ADGRL3: variants seen among roughly 807,000 people sequenced by gnomAD.
The protein encoded by ADGRL3 is calcium-independent alpha-latrotoxin receptor 3.
A neutral mutation model predicts 153.5 loss-of-function variants in ADGRL3; 62 were observed. The ratio of observed to expected loss-of-function variants is 0.40; its 90% confidence interval spans 0.33 to 0.50. The LOEUF (loss-of-function observed/expected upper bound fraction) is 0.50. ADGRL3 is among the 20% of genes least tolerant of loss of function. The pLI is 0.47. For synonymous variants in ADGRL3, 710 were observed against 672.5 expected, an observed-to-expected ratio of 1.06 and a Z score of -0.86; for missense variants, 1,641 against 1,859.4, an observed-to-expected ratio of 0.88 and a Z score of 2.16.
At chr4:61,352,155 G>C (rs543851108) in intron 1 of ADGRL3, among the ~76,000 whole-genome samples, 2 of 152,274 alleles carry the variant, frequency 1.3e-5, no homozygotes, top group African/African-American at 4.8e-5. Flanking sequence ...AGTGACTCAA[G>C]ACTTCAGTGG....
intron 1 of ADGRL3, among the ~76,000 whole-genome samples, chr4:61,347,530 C>T (rs1259793709): frequency 6.6e-6 from 1 of 152,046 alleles, no homozygotes; most frequent in Non-Finnish European, 1.5e-5. Context: ...AAAGCAAATG[C>T]AATGTATGCC....
chr4:61,671,944 T>A (rs1053205737), intron 5 of ADGRL3, among the ~76,000 whole-genome samples: 5 of 152,140 alleles, frequency 3.3e-5, no homozygotes, highest in Non-Finnish European at 7.4e-5. Flanking sequence ...GAGGGTAGCA[T>A]TATTCATCTC....
intron 9 of ADGRL3, among the ~76,000 whole-genome samples, chr4:61,885,316 G>A (rs1292497520): frequency 6.6e-6 from 1 of 152,046 alleles, no homozygotes; most frequent in Non-Finnish European, 1.5e-5. Flanking sequence ...CAACAAGAGT[G>A]AAACTCCTTC....
chr4:62,058,257 T>C lies in ADGRL3; in HGVS notation c.3815-9909T>C, dbSNP rs866135969. ...TCAGGTAGCCTTTTGTATTTCCAAA[T>C]AATATATGATTGATTGTTTATTTCT... On this transcript the variant is annotated intron_variant, in intron 25 of 26. Transcript: ENST00000683033. Among the ~76,000 whole-genome samples the C allele has an allele frequency of 6.6e-5, 10 of 152,136 alleles. No homozygotes were observed. The South Asian group carries it at 1.0e-3, about 16-fold the overall frequency.
At chr4:61,747,487 C>T (rs1460260437) in intron 8 of ADGRL3, among the ~76,000 whole-genome samples, 3 of 148,294 alleles carry the variant, frequency 2.0e-5, no homozygotes, top group African/African-American at 7.6e-5. Context: ...AATCCAGCGG[C>T]ACATCAAAAA....
intron 4 of ADGRL3, among the ~76,000 whole-genome samples, chr4:61,549,569 G>A (rs1035266370): frequency 6.6e-6 from 1 of 151,794 alleles, no homozygotes; most frequent in Non-Finnish European, 1.5e-5. Flanking sequence ...ACTCCTTATT[G>A]CATCATTCTA....
intron 8 of ADGRL3, among the ~76,000 whole-genome samples, chr4:61,750,956 G>A: frequency 6.6e-6 from 1 of 152,100 alleles, no homozygotes; most frequent in Admixed American, 6.5e-5. Context: ...TTAGGAGCAG[G>A]GCCATACAGC....
chr4:61,835,213 A>C (rs1390954774), intron 9 of ADGRL3, among the ~76,000 whole-genome samples: 2 of 152,032 alleles, frequency 1.3e-5, no homozygotes, highest in Non-Finnish European at 1.5e-5. Context: ...TCATGAGGAA[A>C]ACAGGGTTTT....
At chr4:61,989,091 A>G (rs1004937201) in intron 19 of ADGRL3, among the ~76,000 whole-genome samples, 3 of 152,092 alleles carry the variant, frequency 2.0e-5, no homozygotes, top group African/African-American at 7.2e-5. Flanking sequence ...TCATCATCTA[A>G]CCAGCATAAT....
chr4:61,781,540 G>T (rs993616875), intron 8 of ADGRL3, among the ~76,000 whole-genome samples: 12 of 152,000 alleles, frequency 7.9e-5, no homozygotes, highest in African/African-American at 2.9e-4. Context: ...GAAGATCTTT[G>T]CTTGGTTTTC....
At chr4:61,809,879 C>T (rs2097590131) in intron 8 of ADGRL3, among the ~76,000 whole-genome samples, 2 of 152,024 alleles carry the variant, frequency 1.3e-5, no homozygotes, top group African/African-American at 4.8e-5. Flanking sequence ...TTACTACCTA[C>T]GTATAAATTC....
At position 61,924,252 on chromosome 4, in the gene ADGRL3, C is replaced by CTAAT. The variant is rs374961694; in HGVS notation, c.2113-10586_2113-10583dup. Among the ~76,000 whole-genome samples the CTAAT allele has an allele frequency of 5.4e-3, 825 of 152,244 alleles. 11 individuals carry two copies. Among genetic ancestry groups the CTAAT allele is most frequent in the African/African-American group, 0.019 (791 of 41,548 alleles). On this transcript the variant is annotated intron_variant, in intron 13 of 26. Transcript: ENST00000683033. ...ACAACTCACTTGATTTTTCTCCTACCTAATTGACACTTCTTTCCAGTCTCC... is the reference window on the plus strand; with the variant it reads ...ACAACTCACTTGATTTTTCTCCTACCTAATTAATTGACACTTCTTTCCAGTCTCC...
chr4:61,688,638 A>G (rs547383857), intron 6 of ADGRL3, among the ~76,000 whole-genome samples: 1 of 152,270 alleles, frequency 6.6e-6, no homozygotes, highest in South Asian at 2.1e-4. Flanking sequence ...AATCAGTGCT[A>G]TCAGGCACTG....
chr4:61,913,704 A>G (rs1164298865), intron 13 of ADGRL3, among the ~76,000 whole-genome samples: 1 of 152,116 alleles, frequency 6.6e-6, no homozygotes, highest in East Asian at 1.9e-4. Flanking sequence ...TGCCTTTCCA[A>G]TGATCTGAAT....
intron 13 of ADGRL3, among the ~76,000 whole-genome samples, chr4:61,921,164 A>C (rs1327234664): frequency 6.6e-6 from 1 of 152,024 alleles, no homozygotes; most frequent in African/African-American, 2.4e-5. Context: ...AAGCTATTTG[A>C]AACTTCTCAG....
chr4:62,053,125 G>A (rs1026959896), intron 25 of ADGRL3, among the ~76,000 whole-genome samples: 4 of 151,182 alleles, frequency 2.6e-5, no homozygotes. Context: ...AGTCATCATT[G>A]GTTCAAATTA....
intron 6 of ADGRL3, among the ~76,000 whole-genome samples, chr4:61,681,432 A>T (rs2095333140): frequency 1.3e-5 from 2 of 152,074 alleles, no homozygotes; most frequent in South Asian, 4.1e-4. Flanking sequence ...TTATTCTAGC[A>T]ATCTTCTCTC....
At chr4:61,505,078 A>G (rs1186238115) in intron 3 of ADGRL3, among the ~76,000 whole-genome samples, 10 of 152,146 alleles carry the variant, frequency 6.6e-5, no homozygotes, top group Non-Finnish European at 1.3e-4. Flanking sequence ...ACCGACAGAC[A>G]AAGGTTCCCC....
At chr4:61,491,991 C>T (rs1259851433) in intron 2 of ADGRL3, among the ~76,000 whole-genome samples, 1 of 150,350 alleles carries the variant, frequency 6.7e-6, no homozygotes, top group South Asian at 2.1e-4. Flanking sequence ...AAGGTCATAG[C>T]TATGATTTCC....
Sources: allele counts gnomAD v4.1 joint callset (sites outside exome capture counted in the v4.1 genomes callset), GRCh38; gene constraint gnomAD v4.1.1; transcripts MANE v1.5; gene names NCBI Gene and HGNC (gene_info 2026-07-23, HGNC 2026-07-21).